Variants in ZNF286A observed in about 807,000 individuals in gnomAD.
ZNF286A encodes zinc finger protein ZNF286.
Under a neutral mutation model 49.3 loss-of-function variants are expected in ZNF286A, and 34 were observed. That is an observed-to-expected ratio of 0.69 (90% CI 0.52 to 0.92). ZNF286A has a LOEUF of 0.92. Ranked by LOEUF, ZNF286A falls within the 40% of genes least tolerant of loss-of-function variation. The pLI is 0.00. For missense variants in ZNF286A, 462 were observed against 600.2 expected, an observed-to-expected ratio of 0.77 and a Z score of 2.41; for synonymous variants, 155 against 200.4, an observed-to-expected ratio of 0.77 and a Z score of 1.91.
Position 15,703,302 on chromosome 17 carries a change from C to T in ZNF286A, c.126+2062C>T, listed in dbSNP as rs569396573. 1.4e-3 allele frequency among the ~76,000 whole-genome samples: 218 copies of T among 151,780 alleles called. 1 individual carries two copies. The highest frequency in any genetic ancestry group is 5.0e-3 in the African/African-American group (206 of 41,354). On this transcript the variant is annotated intron_variant, in intron 3 of 5. Transcript: ENST00000583566. Reference sequence around the variant, plus strand: ...CAATACTTTGATATCAGATTCAACACTGTTAACAGCATCAAGGTGATTGAA... The same window carrying T: ...CAATACTTTGATATCAGATTCAACATTGTTAACAGCATCAAGGTGATTGAA...
intron 5 of ZNF286A, chr17:15,708,541 C>A: frequency 4.2e-6 from 1 of 238,186 alleles, no homozygotes; most frequent in Non-Finnish European, 7.9e-6. Context: ...ACTAATTTAG[C>A]ACATTCATGT....
intron 3 of ZNF286A, among the ~76,000 whole-genome samples, chr17:15,702,180 T>G (rs1989828240): frequency 6.6e-6 from 1 of 151,844 alleles, no homozygotes; most frequent in Non-Finnish European, 1.5e-5. Context: ...CAGTGATTAT[T>G]GCATTCATCT....
chr17:15,709,247 C>T (rs2649423), intron 5 of ZNF286A, among the ~76,000 whole-genome samples: 56,446 of 137,974 alleles, frequency 0.41, 12,516 homozygotes, highest in East Asian at 0.61. Flanking sequence ...CCCAGCACTT[C>T]GGGAGGCCAA....
At chr17:15,701,512 G>C (rs1266873541) in intron 3 of ZNF286A, 3 of 296,646 alleles carry the variant, frequency 1.0e-5, no homozygotes, top group African/African-American at 2.1e-5. Flanking sequence ...TCATTTCTGT[G>C]CTTGGTAATG....
In ZNF286A at chr17:15,717,580, G is replaced by A. The variant is rs960133914; in HGVS notation, c.*290G>A. On this transcript the variant is annotated 3_prime_UTR_variant, in exon 6 of 6. Transcript: ENST00000583566. ...GAGTAGGTAGCAGTACGAACATTGT[G>A]AAATCCAGTTTTCCCCTCTCTTGTT... The A allele has an allele frequency of 7.7e-6, 3 of 390,586 alleles. No homozygotes were observed. The highest frequency in any genetic ancestry group is 1.3e-5 in the Non-Finnish European group (3 of 224,724). The allele number at this position is 390,586 out of a possible 1,614,324, so 24.2% of individuals were successfully genotyped here.
In ZNF286A at chr17:15,704,991, C is replaced by T. The variant is rs562245669; in HGVS notation, c.127-1396C>T. ...GGCGGGGGCCCAACTGCTGCCGCTG[C>T]GGCCCTGGAGAGGCCCCGGCGGCCC... On this transcript the variant is annotated intron_variant, in intron 3 of 5. Transcript: ENST00000583566. 1.2e-5 allele frequency: 12 copies of T among 1,017,202 alleles called. No individual in the cohort carries two copies. The East Asian group carries it at 1.2e-4, about 10-fold the overall frequency. The allele number at this position is 1,017,202 out of a possible 1,614,324, so 63.0% of individuals were successfully genotyped here. A position where few individuals can be genotyped will look rare whatever the true frequency, so the allele number is the denominator to read the frequency against.
chr17:15,708,947 G>T (rs2151466403), intron 5 of ZNF286A, among the ~76,000 whole-genome samples: 1 of 152,164 alleles, frequency 6.6e-6, no homozygotes, highest in Non-Finnish European at 1.5e-5. Context: ...CATTTCTTCT[G>T]GATATATACA....
intron 5 of ZNF286A, among the ~76,000 whole-genome samples, chr17:15,713,704 C>T (rs900934964): frequency 2.0e-5 from 3 of 150,052 alleles, no homozygotes; most frequent in Non-Finnish European, 4.4e-5. Context: ...TTATATTGTG[C>T]AATATTTTTG....
intron 1 of ZNF286A, 174 bp from the exon 2 acceptor site, chr17:15,699,961 G>A (rs1199028126): frequency 1.6e-6 from 1 of 620,080 alleles, no homozygotes; most frequent in Non-Finnish European, 2.9e-6. Context: ...TGTGCCACGG[G>A]CGGGGTGGTC....
At chr17:15,708,270 T>C in intron 5 of ZNF286A, 23 bp downstream of exon 5, 2 of 1,543,896 alleles carry the variant, frequency 1.3e-6, no homozygotes, top group Non-Finnish European at 1.8e-6. Flanking sequence ...GATGGGAGTC[T>C]TCATAAATGA....
At position 15,701,191 on chromosome 17, in the gene ZNF286A, G is replaced by A. The variant is rs1183559263; in HGVS notation, c.77G>A (p.Ser26Asn). 1.2e-6 allele frequency: 2 copies of A among 1,614,046 alleles called. No individual in the cohort carries two copies. The highest frequency in any genetic ancestry group is 1.7e-5 in the Admixed American group (1 of 60,008). The change falls in exon 3 of 6, where the codon AGC becomes AAC. Residue 26 changes from serine to asparagine, a missense_variant. By Grantham distance (46) the Ser-to-Asn change is conservative (BLOSUM62 1). This residue lies in a region of ZNF286A where 259 missense variants were observed against 272.2 expected (regional missense o/e 0.95). Transcript: ENST00000583566. ...GATTCTCCCCATTTCCAAGAGAAGA[G>A]CACAGAAGAGGGAGAAGTGGCTGCT... Reference protein sequence around the residue: ...SQDSPHFQEKSTEEGEVAALR... With the variant: ...SQDSPHFQEKNTEEGEVAALR...
At position 15,717,951 on chromosome 17, in the gene ZNF286A, T is replaced by TG. The variant is rs4054359; in HGVS notation, c.*662dup. On this transcript the variant is annotated 3_prime_UTR_variant, in exon 6 of 6. Coordinates refer to ENST00000583566, the MANE Select transcript of ZNF286A (RefSeq NM_001130842.2). The stretch of plus-strand genomic sequence containing the variant: ...ATTGATTTTTTTTTTTTTTTTTTTT[T>TG]GAGACAGAGTCTTGCTCTGTTGCCC... 1 of 149,436 alleles carries TG rather than the reference T, an allele frequency of 6.7e-6. No individual in the cohort carries two copies. Among genetic ancestry groups the TG allele is most frequent in the Admixed American group, 6.7e-5 (1 of 14,922 alleles). 9.3% of individuals were successfully genotyped at this position (149,436 alleles called of 1,614,324 possible).
At chr17:15,710,005 A>T in intron 5 of ZNF286A, 3 of 1,321,130 alleles carry the variant, frequency 2.3e-6, no homozygotes, top group Non-Finnish European at 3.0e-6. Context: ...ATGTTTTAAA[A>T]TTTTCATTTC....
chr17:15,701,328 A>C, intron 3 of ZNF286A, 88 bp downstream of exon 3: 2 of 1,169,126 alleles, frequency 1.7e-6, no homozygotes, highest in South Asian at 2.9e-5. Flanking sequence ...TTCTTTATCC[A>C]CTAAAGCCCA....
chr17:15,704,858 G>C, intron 3 of ZNF286A: 1 of 1,612,346 alleles, frequency 6.2e-7, no homozygotes, highest in Non-Finnish European at 8.5e-7. Context: ...TTGTACACCA[G>C]GCGGATGATG....
chr17:15,702,991 A>G (rs985858510), intron 3 of ZNF286A, among the ~76,000 whole-genome samples: 7 of 152,152 alleles, frequency 4.6e-5, no homozygotes. Context: ...AAGGCCAGAG[A>G]AAAAGGGCAG....
rs369194562 is a variant in ZNF286A, at chr17:15,711,870, C to CCT, written c.334+3623_334+3624insCT. ...ATTTATCTGTAATCTGCCCCCCCCC[C>CCT]GGCTTTTTTTTTTTTTTTTGAGATG... is the stretch of plus-strand genomic sequence containing the variant. On this transcript the variant is annotated intron_variant, in intron 5 of 5. Transcript: ENST00000583566. 1.9e-3 allele frequency among the ~76,000 whole-genome samples: 180 copies of CCT among 94,594 alleles called. 5 individuals carry two copies. The highest frequency in any genetic ancestry group is 3.2e-3 in the Admixed American group (29 of 9,034). 62.1% of individuals were successfully genotyped at this position (94,594 alleles called of 152,430 possible).
chr17:15,701,069 A>G (rs1989736592), intron 2 of ZNF286A, 83 bp from the exon 3 acceptor site: 8 of 1,073,684 alleles, frequency 7.5e-6, no homozygotes, highest in African/African-American at 1.6e-5. Flanking sequence ...CAGCACATAT[A>G]GTATGTTGAA....
chr17:15,704,688 A>AG, intron 3 of ZNF286A: 1 of 1,613,834 alleles, frequency 6.2e-7, no homozygotes, highest in South Asian at 1.1e-5. Flanking sequence ...GTGGGGAGGC[A>AG]GGGAAGTCCT....
Sources: gnomAD v4.1 joint callset for allele counts (sites outside exome capture counted in the v4.1 genomes callset) on GRCh38, gnomAD v4.1.1 for gene constraint, gnomAD v4.1.1 regional missense constraint, MANE v1.5 for transcripts, NCBI Gene and HGNC (gene_info 2026-07-23, HGNC 2026-07-21) for gene names.